Variants in GSE1 observed in about 807,000 individuals in gnomAD.
GSE1 encodes genetic suppressor element 1.
GSE1 carries 32 observed loss-of-function variants against 112.6 expected under a neutral mutation model. The ratio of observed to expected loss-of-function variants is 0.28; its 90% CI spans 0.21 to 0.38. The LOEUF is 0.38. Ranked by LOEUF, GSE1 falls within the 10% of genes least tolerant of loss-of-function variation. GSE1 has a pLI of 1.00. For missense variants in GSE1, 2,348 were observed against 1,699.2 expected, an observed-to-expected ratio of 1.38 and a Z score of -6.71; for synonymous variants, 1,115 against 735.6, an observed-to-expected ratio of 1.52 and a Z score of -8.35.
intron 2 of GSE1, among the ~76,000 whole-genome samples, chr16:85,636,110 T>C (rs8063442): frequency 1.3e-5 from 2 of 152,090 alleles, no homozygotes; most frequent in Admixed American, 6.5e-5. Flanking sequence ...CATGGCCTCG[T>C]GGCCCTGCTC....
At chr16:85,429,286 T>C (rs2049064134) in intron 2 of GSE1, among the ~76,000 whole-genome samples, 1 of 152,224 alleles carries the variant, frequency 6.6e-6, no homozygotes, top group Non-Finnish European at 1.5e-5. Context: ...CTGTGTGGCA[T>C]GCATCACTGG....
chr16:85,397,614 G>GTGAGCC lies in GSE1; in HGVS notation c.2464+39972_2464+39973insGAGCCT, dbSNP rs138430181. Among the ~76,000 whole-genome samples the GTGAGCC allele has an allele frequency of 6.2e-4, 95 of 152,312 alleles. No homozygotes were observed. In the East Asian group the frequency reaches 0.016, roughly 26 times the overall value. ...CACCTTCCATGCAGGGAGCCTTCGG[G>GTGAGCC]TTCTGACTCAGCCTGGGGCCTCCCC... On this transcript the variant is annotated intron_variant, in intron 2 of 2. Transcript: ENST00000637419.
At chr16:85,308,827 T>C (rs1308613069) in intron 1 of GSE1, among the ~76,000 whole-genome samples, 1 of 149,498 alleles carries the variant, frequency 6.7e-6, no homozygotes, top group Non-Finnish European at 1.5e-5. Flanking sequence ...TCAGATCCAA[T>C]TTTGCCACTA....
intron 1 of GSE1, among the ~76,000 whole-genome samples, chr16:85,271,260 A>T (rs1908803472): frequency 6.6e-6 from 1 of 152,130 alleles, no homozygotes; most frequent in Non-Finnish European, 1.5e-5. Context: ...GTTGCCCACC[A>T]GGGTGACTGG....
chr16:85,392,265 G>C (rs2047856958), intron 2 of GSE1, among the ~76,000 whole-genome samples: 1 of 152,240 alleles, frequency 6.6e-6, no homozygotes. Context: ...AGCAGGCCTG[G>C]CAGAGAGCGT....
At chr16:85,288,513 G>T (rs943944786) in intron 1 of GSE1, among the ~76,000 whole-genome samples, 4 of 152,240 alleles carry the variant, frequency 2.6e-5, no homozygotes, top group African/African-American at 9.6e-5. Flanking sequence ...GTGACAACCT[G>T]TTGAGAGCCC....
At chr16:85,296,230 C>T (rs1425840291) in intron 1 of GSE1, among the ~76,000 whole-genome samples, 1 of 152,190 alleles carries the variant, frequency 6.6e-6, no homozygotes, top group East Asian at 1.9e-4. Context: ...CGTGGCCAGT[C>T]TCTAACCACC....
intron 2 of GSE1, among the ~76,000 whole-genome samples, chr16:85,390,209 A>G (rs1158749866): frequency 2.0e-5 from 3 of 152,226 alleles, no homozygotes; most frequent in Non-Finnish European, 4.4e-5. Flanking sequence ...TCGCTGGCAC[A>G]CAGTAGGTGC....
At chr16:85,439,528 G>A (rs932581503) in intron 2 of GSE1, among the ~76,000 whole-genome samples, 36 of 137,902 alleles carry the variant, frequency 2.6e-4, no homozygotes, top group African/African-American at 6.6e-4. Flanking sequence ...GGAAACACAC[G>A]GTCTGTCACA....
chr16:85,348,778 G>A (rs919871904), intron 1 of GSE1, among the ~76,000 whole-genome samples: 1 of 152,166 alleles, frequency 6.6e-6, no homozygotes, highest in Non-Finnish European at 1.5e-5. Flanking sequence ...GCAGCCAGCC[G>A]TCACCTGGCC....
chr16:85,395,686 C>A (rs1485000080), intron 2 of GSE1, among the ~76,000 whole-genome samples: 1 of 152,204 alleles, frequency 6.6e-6, no homozygotes. Flanking sequence ...TGAACAAATG[C>A]TCCCTCCCTC....
intron 1 of GSE1, among the ~76,000 whole-genome samples, chr16:85,289,161 G>A (rs58569410): frequency 0.03 from 4,629 of 152,232 alleles, 242 homozygotes; most frequent in African/African-American, 0.11. Context: ...GACCCCTTCT[G>A]CTTGCAAAGC....
chr16:85,611,645 C>T (rs936636522), upstream of GSE1: 45 of 243,050 alleles, frequency 1.9e-4, no homozygotes, highest in Non-Finnish European at 2.8e-4. Context: ...CCCCCACCTC[C>T]GGGCCCCGGC....
At chr16:85,613,142 C>G (rs938461020), upstream of GSE1, 1 of 1,290,322 alleles carries the variant, frequency 7.7e-7, no homozygotes, top group East Asian at 3.1e-5. Flanking sequence ...AACCCGACAC[C>G]TCCCGCTGGC....
At chr16:85,450,606 G>A (rs2049650305) in intron 2 of GSE1, among the ~76,000 whole-genome samples, 1 of 151,500 alleles carries the variant, frequency 6.6e-6, no homozygotes, top group South Asian at 2.1e-4. Flanking sequence ...CCGCTACCAT[G>A]CCCAGCTACT....
chr16:85,191,698 G>A (rs1194208448), intron 1 of GSE1, among the ~76,000 whole-genome samples: 1 of 152,176 alleles, frequency 6.6e-6, no homozygotes, highest in African/African-American at 2.4e-5. Context: ...CATAGTCCTC[G>A]TGCCTGTGAT....
intron 1 of GSE1, among the ~76,000 whole-genome samples, chr16:85,209,073 G>A (rs947062293): frequency 4.6e-5 from 7 of 151,624 alleles, no homozygotes; most frequent in Non-Finnish European, 1.0e-4. Context: ...CTGTGTTGGG[G>A]TTCGCTGTGT....
At chr16:85,446,818 G>C (rs16944663) in intron 2 of GSE1, among the ~76,000 whole-genome samples, 1 of 152,118 alleles carries the variant, frequency 6.6e-6, no homozygotes, top group African/African-American at 2.4e-5. Context: ...CTTAGGCTCC[G>C]TTTCCTCACT....
intron 1 of GSE1, among the ~76,000 whole-genome samples, chr16:85,284,086 G>A (rs1221821313): frequency 3.9e-5 from 6 of 152,192 alleles, no homozygotes; most frequent in South Asian, 2.1e-4. Context: ...TGTGGCATGC[G>A]TGAGGACAGC....
Sources: gnomAD v4.1 joint callset for allele counts (sites outside exome capture counted in the v4.1 genomes callset) on GRCh38, gnomAD v4.1.1 for gene constraint, MANE v1.5 for transcripts, NCBI Gene and HGNC (gene_info 2026-07-23, HGNC 2026-07-21) for gene names.